PPP2R1A: variants seen among roughly 807,000 people sequenced by gnomAD.
PPP2R1A encodes the protein serine/threonine-protein phosphatase 2A 65 kDa regulatory subunit A alpha isoform.
PPP2R1A carries 15 observed loss-of-function variants against 67.1 expected under a neutral mutation model. The ratio of observed to expected loss-of-function variants is 0.22; its 90% CI spans 0.15 to 0.34. The LOEUF (loss-of-function observed/expected upper bound fraction) is 0.34, where lower values mean the gene tolerates loss of function less well. Among genes scored for constraint, PPP2R1A ranks in the 10% least tolerant of loss-of-function variants. The pLI is 1.00. For synonymous variants in PPP2R1A, 337 were observed against 325.0 expected, an observed-to-expected ratio of 1.04 and a Z score of -0.40; for missense variants, 369 against 775.0, an observed-to-expected ratio of 0.48 and a Z score of 6.22.
In PPP2R1A at chr19:52,205,957, C is replaced by G. The variant is rs1441663161; in HGVS notation, c.170-6C>G. 2 of 1,611,132 alleles carry G rather than the reference C, an allele frequency of 1.2e-6. No homozygotes were observed. Among genetic ancestry groups the G allele is most frequent in the African/African-American group, 2.7e-5 (2 of 74,860 alleles). On this transcript the variant is annotated splice_region_variant and splice_polypyrimidine_tract_variant and intron_variant, in intron 2 of 14. Transcript: ENST00000322088. ...GATAGTCACGAAGTCTGTCTTGGTTCCACAGATACCATCTATGATGAAGAT... is the reference window on the plus strand; with the variant it reads ...GATAGTCACGAAGTCTGTCTTGGTTGCACAGATACCATCTATGATGAAGAT...
chr19:52,216,389 C>A lies in PPP2R1A; in HGVS notation c.994-140C>A. 1 of 1,166,762 alleles carries A rather than the reference C, an allele frequency of 8.6e-7. No homozygotes were observed. Among genetic ancestry groups the A allele is most frequent in the Non-Finnish European group, 1.2e-6 (1 of 829,150 alleles). 72.3% of individuals were successfully genotyped at this position (1,166,762 alleles called of 1,614,324 possible). ...GTACTCATAAGGAATAGTGATTTCCCCTGTACCCTAAGCCATCCCCTGCTC... is the reference window on the plus strand; with the variant it reads ...GTACTCATAAGGAATAGTGATTTCCACTGTACCCTAAGCCATCCCCTGCTC... On this transcript the variant is annotated intron_variant, in intron 8 of 14. Transcript: ENST00000322088. This position sits in a 1 kb window ranked among gnomAD's most constrained non-coding sequence, Gnocchi z 4.3.
chr19:52,212,984 G>A lies in PPP2R1A; in HGVS notation c.681G>A (p.Ala227=), dbSNP rs145417094. The change falls in exon 6 of 15, where the codon GCG becomes GCA. Residue 227 remains alanine (A), a synonymous_variant. Transcript: ENST00000322088. The surrounding 1 kb of genome is among the most constrained non-coding windows in gnomAD (Gnocchi z 4.1). ...CGGTGCGGCTGCTGGCGGTGGAGGCGTGCGTGAACATCGCCCAGCTTCTGC... is the reference window on the plus strand; with the variant it reads ...CGGTGCGGCTGCTGGCGGTGGAGGCATGCGTGAACATCGCCCAGCTTCTGC... ...QDSVRLLAVE[A]CVNIAQLLPQ... 38 of 1,607,966 alleles carry A rather than the reference G, an allele frequency of 2.4e-5. No homozygotes were observed. The highest frequency in any genetic ancestry group is 2.0e-4 in the East Asian group (9 of 44,864).
chr19:52,190,082 A>G lies in PPP2R1A; in HGVS notation c.-15A>G, dbSNP rs1468552190. ...AGCGCTGGCCGCAGTCTGACAGGAAAGGGACGGAGCCAAGATGGCGGCGGC... is the reference window on the plus strand; with the variant it reads ...AGCGCTGGCCGCAGTCTGACAGGAAGGGGACGGAGCCAAGATGGCGGCGGC... On this transcript the variant is annotated 5_prime_UTR_variant, in exon 1 of 15. Coordinates refer to ENST00000322088, the MANE Select transcript of PPP2R1A (RefSeq NM_014225.6). 1 of 1,548,036 alleles carries G rather than the reference A, an allele frequency of 6.5e-7. No homozygotes were observed. Among genetic ancestry groups the G allele is most frequent in the South Asian group, 1.2e-5 (1 of 83,974 alleles).
chr19:52,225,435 C>T (rs888887086), intron 13 of PPP2R1A, among the ~76,000 whole-genome samples: 2 of 152,184 alleles, frequency 1.3e-5, no homozygotes, highest in Non-Finnish European at 2.9e-5. Flanking sequence ...ATATCTATCA[C>T]CTTAAATGTT....
chr19:52,216,957 A>T lies in PPP2R1A; in HGVS notation c.1128+294A>T, dbSNP rs1362147321. On this transcript the variant is annotated intron_variant, in intron 9 of 14. Coordinates refer to ENST00000322088, the MANE Select transcript of PPP2R1A (RefSeq NM_014225.6). This position sits in a 1 kb window ranked among gnomAD's most constrained non-coding sequence, Gnocchi z 4.3. Reference sequence around the variant, plus strand: ...GTAATCCCAGCACTTTGGGAGGCTGAGGCGGGTGGATCACCTGAGGTCAGG... The same window carrying T: ...GTAATCCCAGCACTTTGGGAGGCTGTGGCGGGTGGATCACCTGAGGTCAGG... Among the ~76,000 whole-genome samples, 1 of 152,166 alleles carries T rather than the reference A, an allele frequency of 6.6e-6. No homozygotes were observed. The highest frequency in any genetic ancestry group is 2.4e-5 in the African/African-American group (1 of 41,452).
At chr19:52,209,198 C>T (rs1456437192) in intron 3 of PPP2R1A, among the ~76,000 whole-genome samples, 1 of 151,126 alleles carries the variant, frequency 6.6e-6, no homozygotes, top group African/African-American at 2.4e-5. Flanking sequence ...TGTCCCAGGC[C>T]TCCTTATAAC....
chr19:52,209,755 A>G (rs1340737731), intron 3 of PPP2R1A, among the ~76,000 whole-genome samples: 2 of 152,140 alleles, frequency 1.3e-5, no homozygotes, highest in African/African-American at 4.8e-5. Flanking sequence ...ATCAGAAAAT[A>G]TTTGTCTTTA....
chr19:52,215,212 C>T (rs1978493022), intron 6 of PPP2R1A, among the ~76,000 whole-genome samples: 1 of 151,114 alleles, frequency 6.6e-6, no homozygotes, highest in Non-Finnish European at 1.5e-5. Flanking sequence ...CCTGCCCCCA[C>T]ACCCGGCTAA....
At chr19:52,222,442 A>G in intron 13 of PPP2R1A, 1 of 717,164 alleles carries the variant, frequency 1.4e-6, no homozygotes, top group African/African-American at 1.8e-5. Context: ...AGAGGGGGTG[A>G]TGGGTTGGCA....
In PPP2R1A at chr19:52,211,541, C is replaced by A; in HGVS notation, c.503+49C>A. ...CTCCAAGCTCCCATCTCAGCTCCAACCTTCTCTAAAGCCTCAGACTCCTTT... is the reference window on the plus strand; with the variant it reads ...CTCCAAGCTCCCATCTCAGCTCCAAACTTCTCTAAAGCCTCAGACTCCTTT... On this transcript the variant is annotated intron_variant, in intron 4 of 14. Coordinates refer to ENST00000322088, the MANE Select transcript of PPP2R1A (RefSeq NM_014225.6). The surrounding 1 kb of genome is among the most constrained non-coding windows in gnomAD (Gnocchi z 5.3). 1.3e-6 allele frequency: 2 copies of A among 1,551,610 alleles called. No individual in the cohort carries two copies. Among genetic ancestry groups the A allele is most frequent in the South Asian group, 1.2e-5 (1 of 82,714 alleles).
At chr19:52,203,311 C>T (rs187216422) in intron 2 of PPP2R1A, among the ~76,000 whole-genome samples, 2 of 152,206 alleles carry the variant, frequency 1.3e-5, no homozygotes, top group East Asian at 3.9e-4. Flanking sequence ...ACAAATGGCC[C>T]CAAACCAGGT....
intron 13 of PPP2R1A, 133 bp from the exon 14 acceptor site, chr19:52,225,584 T>G: frequency 9.8e-6 from 7 of 717,730 alleles, no homozygotes; most frequent in African/African-American, 1.8e-5. Context: ...CCTGGATTCT[T>G]GAGACTCCTC....
At chr19:52,220,016 T>C (rs954381697) in intron 10 of PPP2R1A, 152 bp downstream of exon 10, 2 of 1,228,834 alleles carry the variant, frequency 1.6e-6, no homozygotes, top group Non-Finnish European at 2.3e-6. Context: ...AAATAGGGCC[T>C]TAAAAGATGC....
Position 52,212,470 on chromosome 19 carries a change from C to G in PPP2R1A, c.504-216C>G, listed in dbSNP as rs574457137. The G allele has an allele frequency of 3.0e-4, 176 of 586,520 alleles. 2 individuals are homozygous for G. The highest frequency in any genetic ancestry group is 2.6e-3 in the South Asian group (126 of 48,398). 36.3% of individuals were successfully genotyped at this position (586,520 alleles called of 1,614,324 possible). On this transcript the variant is annotated intron_variant, in intron 4 of 14. Transcript: ENST00000322088. The surrounding 1 kb of genome is among the most constrained non-coding windows in gnomAD (Gnocchi z 4.1). ...TTATTATGCGCAATCTGCGAAGTGT[C>G]TCACACACACTATTTTCATTTAAAC...
At chr19:52,199,550 A>G (rs1235047581) in intron 1 of PPP2R1A, among the ~76,000 whole-genome samples, 4 of 152,222 alleles carry the variant, frequency 2.6e-5, no homozygotes, top group Non-Finnish European at 5.9e-5. Context: ...ACTACAGTCC[A>G]TGGGTCCAAT....
At chr19:52,222,474 T>A (rs1978997716) in intron 13 of PPP2R1A, 1 of 454,426 alleles carries the variant, frequency 2.2e-6, no homozygotes, top group Non-Finnish European at 3.7e-6. Context: ...TAGCAACAAG[T>A]CATTAGAAAA....
chr19:52,203,441 C>T (rs1170570091), intron 2 of PPP2R1A, among the ~76,000 whole-genome samples: 1 of 152,202 alleles, frequency 6.6e-6, no homozygotes, highest in East Asian at 1.9e-4. Context: ...TTGCAATAAG[C>T]AGCTCTGCCA....
rs1978790384 is a variant in PPP2R1A, at chr19:52,219,555, A to G, written c.1129-136A>G. 2 of 843,160 alleles carry G rather than the reference A, an allele frequency of 2.4e-6. No individual in the cohort carries two copies. Among genetic ancestry groups the G allele is most frequent in the Non-Finnish European group, 3.5e-6 (2 of 566,220 alleles). The allele number at this position is 843,160 out of a possible 1,614,324, so 52.2% of individuals were successfully genotyped here. ...TTGTGTGCCGTTAATGTGTTCCCAG[A>G]ACGGGGAGCTGGGCTTGGACAGGAG... is the stretch of plus-strand genomic sequence containing the variant. On this transcript the variant is annotated intron_variant, in intron 9 of 14. Coordinates refer to ENST00000322088, the MANE Select transcript of PPP2R1A (RefSeq NM_014225.6). This position sits in a 1 kb window ranked among gnomAD's most constrained non-coding sequence, Gnocchi z 4.0.
chr19:52,213,239 T>C lies in PPP2R1A; in HGVS notation c.807+129T>C, dbSNP rs377275973. ...GGGCGTTTGAGCAATAAGATCTCTA[T>C]GATCATCTAACTGCGTCTCGCTTCG... On this transcript the variant is annotated intron_variant, in intron 6 of 14. Coordinates refer to ENST00000322088, the MANE Select transcript of PPP2R1A (RefSeq NM_014225.6). This position sits in a 1 kb window ranked among gnomAD's most constrained non-coding sequence, Gnocchi z 4.2. 6.7e-6 allele frequency: 8 copies of C among 1,191,984 alleles called. No individual in the cohort carries two copies. The highest frequency in any genetic ancestry group is 4.7e-5 in the African/African-American group (3 of 64,452). The allele number at this position is 1,191,984 out of a possible 1,614,324, so 73.8% of individuals were successfully genotyped here.
Sources: gnomAD v4.1 joint callset for allele counts (sites outside exome capture counted in the v4.1 genomes callset) on GRCh38, gnomAD v4.1.1 for gene constraint, Gnocchi (gnomAD v3.1) non-coding constraint, MANE v1.5 for transcripts, NCBI Gene and HGNC (gene_info 2026-07-23, HGNC 2026-07-21) for gene names.